Variants in DCLK2 observed in about 807,000 individuals in gnomAD.
DCLK2 encodes serine/threonine-protein kinase DCLK2.
In DCLK2, 31 loss-of-function variants were observed where a neutral mutation model predicts 78.4. The ratio of observed to expected loss-of-function variants is 0.40; its 90% CI spans 0.30 to 0.53. The LOEUF (loss-of-function observed/expected upper bound fraction) is 0.53, where lower values mean the gene tolerates loss of function less well. DCLK2 is among the 20% of genes least tolerant of loss of function. The pLI is 0.61. For synonymous variants in DCLK2, 407 were observed against 374.9 expected (o/e 1.09, Z -0.99); for missense variants, 872 against 973.7 (o/e 0.90, Z 1.39).
intron 5 of DCLK2, among the ~76,000 whole-genome samples, chr4:150,209,492 T>C (rs906657720): frequency 2.6e-5 from 4 of 152,236 alleles, no homozygotes; most frequent in African/African-American, 9.6e-5. Flanking sequence ...ATTCTTAAGT[T>C]TTTTTGTGAT....
At chr4:150,243,744 T>C (rs1188039148) in intron 12 of DCLK2, among the ~76,000 whole-genome samples, 3 of 151,654 alleles carry the variant, frequency 2.0e-5, no homozygotes, top group Non-Finnish European at 4.4e-5. Context: ...TTCTTTTTTA[T>C]AGGCAGGATC....
At chr4:150,131,710 G>A (rs1733326477) in intron 2 of DCLK2, among the ~76,000 whole-genome samples, 1 of 152,100 alleles carries the variant, frequency 6.6e-6, no homozygotes, top group African/African-American at 2.4e-5. Flanking sequence ...TTGAAATGCT[G>A]TAGGAGTCCT....
chr4:150,146,825 T>C (rs1292530485), intron 2 of DCLK2, among the ~76,000 whole-genome samples: 1 of 152,098 alleles, frequency 6.6e-6, no homozygotes, highest in Non-Finnish European at 1.5e-5. Context: ...AAAATAGTCA[T>C]AGAGTGAAGA....
At chr4:150,160,541 G>C (rs946703351) in intron 2 of DCLK2, among the ~76,000 whole-genome samples, 16 of 152,194 alleles carry the variant, frequency 1.1e-4, no homozygotes, top group African/African-American at 3.1e-4. Context: ...TAAATAACTT[G>C]TTCAAGCTTC....
chr4:150,152,253 C>A (rs967097591), intron 2 of DCLK2, among the ~76,000 whole-genome samples: 1 of 152,108 alleles, frequency 6.6e-6, no homozygotes. Context: ...AATTTGAAAG[C>A]ACTTATGACA....
At chr4:150,208,801 C>T (rs1387546403) in intron 5 of DCLK2, among the ~76,000 whole-genome samples, 2 of 152,066 alleles carry the variant, frequency 1.3e-5, no homozygotes, top group Non-Finnish European at 2.9e-5. Context: ...TCCACCTAAC[C>T]CCATAAAGCT....
intron 2 of DCLK2, among the ~76,000 whole-genome samples, chr4:150,128,477 C>G (rs1328948229): frequency 2.0e-5 from 3 of 151,974 alleles, no homozygotes; most frequent in African/African-American, 7.3e-5. Flanking sequence ...ATGGGTTACC[C>G]TTGAGAAATT....
intron 2 of DCLK2, among the ~76,000 whole-genome samples, chr4:150,138,224 A>G (rs1733832536): frequency 1.3e-5 from 2 of 152,340 alleles, no homozygotes; most frequent in South Asian, 2.1e-4. Context: ...TTGCAACCCA[A>G]CTACCTGGGT....
chr4:150,157,631 A>G (rs963004670), intron 2 of DCLK2, among the ~76,000 whole-genome samples: 2 of 150,090 alleles, frequency 1.3e-5, no homozygotes, highest in Non-Finnish European at 3.0e-5. Flanking sequence ...TCATGCCTCA[A>G]CCTCCCCAGT....
Position 150,081,857 on chromosome 4 carries a change from G to A in DCLK2, c.421+2409G>A, listed in dbSNP as rs536254607. Among the ~76,000 whole-genome samples the A allele has an allele frequency of 2.0e-5, 3 of 151,214 alleles. No homozygotes were observed. The East Asian group carries it at 5.8e-4, about 29-fold the overall frequency. ...AAAAAAAAAAAAAAAAATTAGCCGG[G>A]TGTGGCGGCAGGCGCCTGCAGTCCC... On this transcript the variant is annotated intron_variant, in intron 1 of 15. Transcript: ENST00000296550.
intron 14 of DCLK2, among the ~76,000 whole-genome samples, chr4:150,249,045 GC>G (rs1305240126): frequency 4.6e-5 from 7 of 152,060 alleles, no homozygotes; most frequent in Non-Finnish European, 1.0e-4. Context: ...TACCTCCAAT[GC>G]CCCACCCACC....
At chr4:150,147,343 T>C (rs1734555360) in intron 2 of DCLK2, among the ~76,000 whole-genome samples, 1 of 152,078 alleles carries the variant, frequency 6.6e-6, no homozygotes, top group African/African-American at 2.4e-5. Flanking sequence ...TGTTGTACAC[T>C]GTAAGGCAGC....
chr4:150,192,943 C>T (rs574854359), intron 2 of DCLK2, among the ~76,000 whole-genome samples, 195 bp from the exon 3 acceptor site: 1 of 152,302 alleles, frequency 6.6e-6, no homozygotes, highest in South Asian at 2.1e-4. Context: ...GAATCCTTGA[C>T]TCTGTTGTTC....
intron 2 of DCLK2, among the ~76,000 whole-genome samples, chr4:150,123,858 TAGTG>T (rs1443543405): frequency 6.6e-6 from 1 of 151,908 alleles, no homozygotes; most frequent in Non-Finnish European, 1.5e-5. Flanking sequence ...CTTGGGCAAT[TAGTG>T]AGACCTCATC....
intron 2 of DCLK2, among the ~76,000 whole-genome samples, chr4:150,174,319 C>T (rs1268272767): frequency 6.6e-6 from 1 of 152,164 alleles, no homozygotes; most frequent in African/African-American, 2.4e-5. Context: ...GAAGCTGCTG[C>T]TTGTCAGCAT....
chr4:150,117,749 C>T (rs1425711815), intron 2 of DCLK2, among the ~76,000 whole-genome samples: 2 of 152,170 alleles, frequency 1.3e-5, no homozygotes, highest in Non-Finnish European at 2.9e-5. Context: ...TTATAGTTTT[C>T]CACCTGGCTC....
At chr4:150,097,460 G>A (rs962924538) in intron 1 of DCLK2, among the ~76,000 whole-genome samples, 22 of 152,198 alleles carry the variant, frequency 1.4e-4, no homozygotes, top group Non-Finnish European at 8.8e-5. Flanking sequence ...ACCGTGCCTG[G>A]CTGGAATTAC....
intron 2 of DCLK2, among the ~76,000 whole-genome samples, chr4:150,155,952 G>C (rs1200089131): frequency 6.6e-6 from 1 of 152,166 alleles, no homozygotes; most frequent in Non-Finnish European, 1.5e-5. Context: ...GTAATGGCCA[G>C]AGGGAGGAAG....
rs543872058 is a variant in DCLK2 at position 150,202,036 on chromosome 4, C to G, written c.962-1759C>G. The stretch of plus-strand genomic sequence containing the variant: ...ATTATCCACATCCCCAATTAGAGTG[C>G]TGCATTTGTTACAATTAGCCTGCAC... On this transcript the variant is annotated intron_variant, in intron 4 of 15. Transcript: ENST00000296550. Among the ~76,000 whole-genome samples the G allele has an allele frequency of 7.9e-5, 12 of 152,270 alleles. No homozygotes were observed. The East Asian group carries it at 2.3e-3, about 29-fold the overall frequency.
Sources: allele counts gnomAD v4.1 joint callset (sites outside exome capture counted in the v4.1 genomes callset), GRCh38; gene constraint gnomAD v4.1.1; transcripts MANE v1.5; gene names NCBI Gene and HGNC (gene_info 2026-07-23, HGNC 2026-07-21).